The following ALAD variants were observed in gnomAD, a reference collection of about 807,000 sequenced individuals.
ALAD encodes delta-aminolevulinic acid dehydratase.
In ALAD, 20 loss-of-function variants were observed where a neutral mutation model predicts 44.4. The ratio of observed to expected loss-of-function variants is 0.45; its 90% confidence interval spans 0.32 to 0.65. The LOEUF is 0.65. ALAD is among the 30% of genes least tolerant of loss of function. ALAD has a pLI of 0.05. For synonymous variants in ALAD, 156 were observed against 167.9 expected, an observed-to-expected ratio of 0.93 and a Z score of 0.55; for missense variants, 323 against 445.7, an observed-to-expected ratio of 0.72 and a Z score of 2.48.
chr9:113,400,645 A>C (rs548451662), intron 1 of ALAD, among the ~76,000 whole-genome samples: 191 of 152,174 alleles, frequency 1.3e-3, no homozygotes, highest in Non-Finnish European at 1.5e-3. Flanking sequence ...CAACAGGGAG[A>C]AACCCCATCT....
chr9:113,389,562 G>A, intron 9 of ALAD, 37 bp downstream of exon 9: 2 of 1,614,130 alleles, frequency 1.2e-6, no homozygotes, highest in South Asian at 1.1e-5. Context: ...GTGCCTAGGA[G>A]GGGGCTGAGG....
rs554010818 is a variant in ALAD at position 113,394,783 on chromosome 9, G to A, written c.-75-1149C>T. ...AAAAGTACTGTTGGCCGGGCATGGC[G>A]GCTCACACCTATAATCTCAGCACTT... On this transcript the variant is annotated intron_variant, in intron 1 of 11. Transcript: ENST00000409155. Among the ~76,000 whole-genome samples, 4 of 152,214 alleles carry A rather than the reference G, an allele frequency of 2.6e-5. No homozygotes were observed. The South Asian group carries it at 6.2e-4, about 24-fold the overall frequency.
intron 11 of ALAD, 68 bp from the exon 12 acceptor site, chr9:113,388,429 T>C: frequency 1.4e-6 from 2 of 1,473,504 alleles, no homozygotes; most frequent in South Asian, 1.1e-5. Flanking sequence ...CCTTCTGCGA[T>C]GGGAAGGCCA....
chr9:113,394,515 G>A (rs1827676360), intron 1 of ALAD, among the ~76,000 whole-genome samples: 2 of 151,832 alleles, frequency 1.3e-5, no homozygotes, highest in African/African-American at 4.8e-5. Context: ...TCCAGCCTGG[G>A]TGAGAGAGGG....
rs770350355 is a variant in ALAD at position 113,393,532 on chromosome 9, C to T, written c.28G>A (p.Gly10Ser). 3.0e-5 allele frequency: 48 copies of T among 1,613,716 alleles called. No homozygotes were observed. Among genetic ancestry groups the T allele is most frequent in the East Asian group, 2.5e-4 (11 of 44,896 alleles). Residue 10 changes from glycine to serine, a missense_variant, in exon 2 of 12, where the codon GGC (glycine) becomes AGC (serine). Transcript: ENST00000409155. MQPQSVLHS[G>S]YFHPLLRAWQ... ...GCCCGAAGTAGTGGGTGGAAGTAGC[C>T]GCTGTGCAGAACGGACTGGGGCTGC...
chr9:113,389,567 C>T (rs748174951), intron 9 of ALAD, 32 bp downstream of exon 9: 1 of 1,614,078 alleles, frequency 6.2e-7, no homozygotes, highest in Admixed American at 1.7e-5. Flanking sequence ...TAGGAGGGGG[C>T]TGAGGGTGGG....
chr9:113,388,398 C>A (rs755903342), intron 11 of ALAD, 37 bp from the exon 12 acceptor site: 1 of 1,597,322 alleles, frequency 6.3e-7, no homozygotes, highest in Admixed American at 1.7e-5. Flanking sequence ...GCTGGGGGGA[C>A]GCTGATCAGC....
chr9:113,387,983 A>T lies in ALAD; in HGVS notation c.*317T>A. ...AAGACCCTCTCCCAGCCAGGCCCCAAAGGCTGTGCCCCCGACTCCAGGTTG... is the reference window on the plus strand; with the variant it reads ...AAGACCCTCTCCCAGCCAGGCCCCATAGGCTGTGCCCCCGACTCCAGGTTG... On this transcript the variant is annotated 3_prime_UTR_variant, in exon 12 of 12. Transcript: ENST00000409155. 2.4e-6 allele frequency: 1 copy of T among 418,986 alleles called. No individual in the cohort carries two copies. Among genetic ancestry groups the T allele is most frequent in the Non-Finnish European group, 4.5e-6 (1 of 222,448 alleles). The allele number at this position is 418,986 out of a possible 1,614,324, so 26.0% of individuals were successfully genotyped here.
At chr9:113,391,873 C>T (rs1454594026) in intron 3 of ALAD, among the ~76,000 whole-genome samples, 1 of 152,218 alleles carries the variant, frequency 6.6e-6, no homozygotes, top group Non-Finnish European at 1.5e-5. Context: ...CTCCCATCTG[C>T]AGTTCAGCTC....
chr9:113,398,977 A>G (rs1219922436), intron 1 of ALAD, among the ~76,000 whole-genome samples: 3 of 152,158 alleles, frequency 2.0e-5, no homozygotes, highest in African/African-American at 7.2e-5. Context: ...CGAGCTTGCA[A>G]ACCACAATTT....
rs555277052 is a variant in ALAD at position 113,388,047 on chromosome 9, G to A, written c.*253C>T. ...GCCACACCAGAGGAAAGAGCTGAGG[G>A]TGGCAAAGGTGGGCCTCACGGCTGA... On this transcript the variant is annotated 3_prime_UTR_variant, in exon 12 of 12. Transcript: ENST00000409155. 1.3e-5 allele frequency: 7 copies of A among 538,678 alleles called. No individual in the cohort carries two copies. Among genetic ancestry groups the A allele is most frequent in the Non-Finnish European group, 2.4e-5 (7 of 296,882 alleles). The allele number at this position is 538,678 out of a possible 1,614,324, so 33.4% of individuals were successfully genotyped here. A position where few individuals can be genotyped will look rare whatever the true frequency, so the allele number is the denominator to read the frequency against.
rs1827538956 is a variant in ALAD, at chr9:113,390,405, C to A, written c.570G>T (p.Arg190Ser). 2 of 1,613,958 alleles carry A rather than the reference C, an allele frequency of 1.2e-6. No individual in the cohort carries two copies. The highest frequency in any genetic ancestry group is 1.7e-6 in the Non-Finnish European group (2 of 1,179,990). Reference protein sequence around the residue: ...EALMAHGLGNRVSVMSYSAKF... With the variant: ...EALMAHGLGNSVSVMSYSAKF... ...CCTGTGCTGCATTCCCTGCCCTTAC[C>A]CTGTTGCCAAGTCCATGTGCCATCA... Residue 190 changes from arginine to serine, a missense_variant and splice_region_variant, in exon 7 of 12, where the codon AGG becomes AGT. By Grantham distance (110) the Arg-to-Ser change is moderately radical. Transcript: ENST00000409155.
At chr9:113,392,432 C>T (rs1827616527) in intron 2 of ALAD, 3 of 1,037,956 alleles carry the variant, frequency 2.9e-6, no homozygotes. Flanking sequence ...TGGTTAAGAA[C>T]TTGGACTCTG....
intron 2 of ALAD, 83 bp from the exon 3 acceptor site, chr9:113,392,252 A>G (rs765534483): frequency 3.1e-5 from 50 of 1,608,274 alleles, no homozygotes; most frequent in Non-Finnish European, 4.0e-5. Flanking sequence ...ATGGTTGGGA[A>G]GCAGGAAAGA....
chr9:113,399,235 T>G (rs1827802803), intron 1 of ALAD, among the ~76,000 whole-genome samples: 1 of 152,224 alleles, frequency 6.6e-6, no homozygotes, highest in South Asian at 2.1e-4. Flanking sequence ...ATCTCTAACT[T>G]GCAAGGCTGT....
Position 113,389,016 on chromosome 9 carries a change from C to T in ALAD, c.892G>A (p.Ala298Thr). 6.2e-7 allele frequency: 1 copy of T among 1,613,832 alleles called. No homozygotes were observed. The highest frequency in any genetic ancestry group is 8.5e-7 in the Non-Finnish European group (1 of 1,180,032). The change falls in exon 11 of 12, where the codon GCT (alanine) becomes ACT (threonine). Residue 298 changes from alanine (A) to threonine (T), a missense_variant. Transcript: ENST00000409155. ...GCAGTCATGGCCTCCAGTACGGCAG[C>T]CTTGAGATCAAATGCCCCGGCCTGG... ...GAQAGAFDLK[A>T]AVLEAMTAFR...
Position 113,390,808 on chromosome 9 carries a change from A to T in ALAD, c.387T>A (p.His129Gln), listed in dbSNP as rs1564371147. The change falls in exon 5 of 12, where the codon CAT becomes CAA. Residue 129 changes from histidine to glutamine, a missense_variant. Physicochemically the swap from His to Gln is conservative, Grantham distance 24. Coordinates refer to ENST00000409155, the MANE Select transcript of ALAD (RefSeq NM_000031.6). ...AGGGAGGGAACTCACCGCAGTGACC[A>T]TGGGAGGTGTAGGGACACAGGCAGA... ...CDVCLCPYTS[H>Q]GHCGLLSENG... 1 of 1,611,380 alleles carries T rather than the reference A, an allele frequency of 6.2e-7. No homozygotes were observed. The highest frequency in any genetic ancestry group is 8.5e-7 in the Non-Finnish European group (1 of 1,178,920).
At chr9:113,391,987 C>A (rs1564372718) in intron 3 of ALAD, 132 bp downstream of exon 3, 5 of 963,480 alleles carry the variant, frequency 5.2e-6, no homozygotes, top group Non-Finnish European at 6.4e-6. Context: ...CGGGGAAACC[C>A]TTTCCTCTAC....
Position 113,388,177 on chromosome 9 carries a change from G to A in ALAD, c.*123C>T. 5.7e-6 allele frequency: 6 copies of A among 1,056,072 alleles called. No individual in the cohort carries two copies. The highest frequency in any genetic ancestry group is 1.3e-5 in the South Asian group (1 of 78,290). 65.4% of individuals were successfully genotyped at this position (1,056,072 alleles called of 1,614,324 possible). A position where few individuals can be genotyped will look rare whatever the true frequency, so the allele number is the denominator to read the frequency against. ...CACCCAGGGCTGCTGGGCCCCGCTA[G>A]CATGTGAGCAGGAAGAGGGCATGAG... is the stretch of plus-strand genomic sequence containing the variant. On this transcript the variant is annotated 3_prime_UTR_variant, in exon 12 of 12. Coordinates refer to ENST00000409155, the MANE Select transcript of ALAD (RefSeq NM_000031.6).
Sources: gnomAD v4.1 joint callset for allele counts (sites outside exome capture counted in the v4.1 genomes callset) on GRCh38, gnomAD v4.1.1 for gene constraint, MANE v1.5 for transcripts, NCBI Gene and HGNC (gene_info 2026-07-23, HGNC 2026-07-21) for gene names.